Variants in CACNA1S observed in about 807,000 individuals in gnomAD.
CACNA1S encodes the protein voltage-dependent L-type calcium channel subunit alpha-1S.
A neutral mutation model predicts 207.4 loss-of-function variants in CACNA1S; 126 were observed. The ratio of observed to expected loss-of-function variants is 0.61; its 90% CI spans 0.53 to 0.70. CACNA1S has a LOEUF of 0.70. Ranked by LOEUF, CACNA1S falls within the 30% of genes least tolerant of loss-of-function variation. The pLI, the probability that CACNA1S is intolerant of heterozygous loss-of-function variation, is 0.00. For missense variants in CACNA1S, 2,349 were observed against 2,422.8 expected (o/e 0.97, Z 0.64); for synonymous variants, 960 against 932.7 (o/e 1.03, Z -0.53).
In CACNA1S at chr1:201,053,326, C is replaced by T. The variant is rs1660724003; in HGVS notation, c.3796-52G>A. 1 of 1,611,350 alleles carries T rather than the reference C, an allele frequency of 6.2e-7. No homozygotes were observed. Among genetic ancestry groups the T allele is most frequent in the South Asian group, 1.1e-5 (1 of 91,010 alleles). On this transcript the variant is annotated intron_variant, in intron 30 of 43. Transcript: ENST00000362061. The surrounding 1 kb of genome is among the most constrained non-coding windows in gnomAD (Gnocchi z 5.1). The stretch of plus-strand genomic sequence containing the variant: ...AGTGTCTTAGGGCTCCACTGTGTGT[C>T]TGCAGCCCTGCCCTCTGTTAGCTCC...
intron 1 of CACNA1S, among the ~76,000 whole-genome samples, chr1:201,110,884 C>T (rs1171474073): frequency 6.6e-6 from 1 of 152,202 alleles, no homozygotes; most frequent in Non-Finnish European, 1.5e-5. Context: ...ATGGCTTTCT[C>T]GACTTTCTGG....
Position 201,074,486 on chromosome 1 carries a change from C to T in CACNA1S, c.2063+20G>A. On this transcript the variant is annotated intron_variant, in intron 14 of 43. Coordinates refer to ENST00000362061, the MANE Select transcript of CACNA1S (RefSeq NM_000069.3). ...CACGACTGAGCACTCCAGGTCCCTT[C>T]CTGCTAAGGAAGCACTCACTTGGAC... The T allele has an allele frequency of 6.6e-7, 1 of 1,516,116 alleles. No individual in the cohort carries two copies. Among genetic ancestry groups the T allele is most frequent in the Non-Finnish European group, 9.2e-7 (1 of 1,092,188 alleles). The allele number at this position is 1,516,116 out of a possible 1,614,324, so 93.9% of individuals were successfully genotyped here.
intron 2 of CACNA1S, among the ~76,000 whole-genome samples, chr1:201,106,439 C>A (rs1439506559): frequency 2.0e-5 from 3 of 152,096 alleles, no homozygotes; most frequent in Admixed American, 2.0e-4. Context: ...GCTTCCTCTG[C>A]CCAGAATCCC....
chr1:201,091,885 G>T, intron 4 of CACNA1S, 87 bp downstream of exon 4: 2 of 1,602,262 alleles, frequency 1.2e-6, no homozygotes, highest in Non-Finnish European at 1.7e-6. Context: ...CCCCTGAGAT[G>T]TCAAGGTAGG....
intron 38 of CACNA1S, 136 bp from the exon 39 acceptor site, chr1:201,044,592 C>G: frequency 2.1e-6 from 2 of 969,816 alleles, no homozygotes; most frequent in Non-Finnish European, 1.5e-6. Flanking sequence ...CTCACTGTAA[C>G]CTCTGCTTCC....
rs377020349 is a variant in CACNA1S, at chr1:201,112,241, G to T, written c.99C>A (p.Cys33Ter). 2 of 1,613,844 alleles carry T rather than the reference G, an allele frequency of 1.2e-6. No individual in the cohort carries two copies. Among genetic ancestry groups the T allele is most frequent in the Non-Finnish European group, 1.7e-6 (2 of 1,179,996 alleles). Residue 33 changes from cysteine (C) to a stop codon, truncating the protein, a stop_gained, in exon 1 of 44, where the codon TGC becomes TGA. Coordinates refer to ENST00000362061, the MANE Select transcript of CACNA1S (RefSeq NM_000069.3). LOFTEE classifies it high-confidence loss of function. ...ILPRPPRALF[C>*]LTLENPLRKA... Reference sequence around the variant, plus strand: ...TCCTCAGGGGGTTCTCCAGGGTCAGGCAGAACAAGGCCCGGGGTGGCCTTG... The same window carrying T: ...TCCTCAGGGGGTTCTCCAGGGTCAGTCAGAACAAGGCCCGGGGTGGCCTTG...
At chr1:201,075,687 C>G in intron 12 of CACNA1S, 72 bp from the exon 13 acceptor site, 2 of 1,516,290 alleles carry the variant, frequency 1.3e-6, no homozygotes, top group Non-Finnish European at 1.8e-6. Flanking sequence ...ACCGCATTGA[C>G]CGAAGTTCTC....
At position 201,039,636 on chromosome 1, in the gene CACNA1S, G is replaced by T; in HGVS notation, c.*195C>A. On this transcript the variant is annotated 3_prime_UTR_variant, in exon 44 of 44. Coordinates refer to ENST00000362061, the MANE Select transcript of CACNA1S (RefSeq NM_000069.3). Reference sequence around the variant, plus strand: ...CTCCATCCAATCATGCCTCTTGCTGGTGAGGGGCAGGGCCTGTCCAGCTAC... The same window carrying T: ...CTCCATCCAATCATGCCTCTTGCTGTTGAGGGGCAGGGCCTGTCCAGCTAC... 2 of 656,460 alleles carry T rather than the reference G, an allele frequency of 3.0e-6. No homozygotes were observed. Among genetic ancestry groups the T allele is most frequent in the Non-Finnish European group, 5.3e-6 (2 of 380,572 alleles). The allele number at this position is 656,460 out of a possible 1,614,324, so 40.7% of individuals were successfully genotyped here.
rs3767511 is a variant in CACNA1S at position 201,083,071 on chromosome 1, T to C, written c.1393+91A>G. 299,761 of 1,381,452 alleles carry C rather than the reference T, an allele frequency of 0.22. 34,058 individuals are homozygous for C. The highest frequency in any genetic ancestry group is 0.26 in the African/African-American group (18,423 of 70,898). 85.6% of individuals were successfully genotyped at this position (1,381,452 alleles called of 1,614,324 possible). On this transcript the variant is annotated intron_variant, in intron 10 of 43. Coordinates refer to ENST00000362061, the MANE Select transcript of CACNA1S (RefSeq NM_000069.3). ...ATGATGTCAATATCTAATTGACCTC[T>C]TCTGCACAACCTGTGGTGCCATTGG... is the stretch of plus-strand genomic sequence containing the variant.
chr1:201,094,060 C>A (rs1208516385), intron 2 of CACNA1S, 39 bp from the exon 3 acceptor site: 3 of 1,613,598 alleles, frequency 1.9e-6, no homozygotes, highest in Middle Eastern at 3.3e-4. Context: ...CCTCTGTGCT[C>A]TCTGAGTGCA....
chr1:201,075,445 C>G, intron 13 of CACNA1S, 50 bp downstream of exon 13: 1 of 1,593,854 alleles, frequency 6.3e-7, no homozygotes, highest in Non-Finnish European at 8.6e-7. Context: ...AAGCCCTTTC[C>G]CCCACCCCCT....
intron 34 of CACNA1S, among the ~76,000 whole-genome samples, chr1:201,049,975 A>G (rs1044090607): frequency 6.6e-6 from 1 of 152,198 alleles, no homozygotes; most frequent in Non-Finnish European, 1.5e-5. Flanking sequence ...CTTTAAATGC[A>G]TACGAATGTC....
rs1662236781 is a variant in CACNA1S at position 201,091,652 on chromosome 1, A to T, written c.682T>A (p.Phe228Ile). 1 of 1,614,080 alleles carries T rather than the reference A, an allele frequency of 6.2e-7. No homozygotes were observed. Among genetic ancestry groups the T allele is most frequent in the African/African-American group, 1.3e-5 (1 of 74,928 alleles). Reference sequence around the variant, plus strand: ...CCTGGGAGCTCACCTGTACCAATGAAGTAGCAGGTCTTGTGCATCTTGCCC... The same window carrying T: ...CCTGGGAGCTCACCTGTACCAATGATGTAGCAGGTCTTGTGCATCTTGCCC... ...FKGKMHKTCY[F>I]IGTDIVATVE... The change falls in exon 5 of 44, where the codon TTC (phenylalanine) becomes ATC (isoleucine). Residue 228 changes from phenylalanine (F) to isoleucine (I), a missense_variant. By Grantham distance (21) the Phe-to-Ile change is conservative. Transcript: ENST00000362061.
chr1:201,092,868 G>A (rs569815192), intron 3 of CACNA1S, among the ~76,000 whole-genome samples: 1 of 152,320 alleles, frequency 6.6e-6, no homozygotes, highest in African/African-American at 2.4e-5. Flanking sequence ...GGAACTGAAG[G>A]ACAGCATACT....
At chr1:201,061,852 A>G (rs941544927) in intron 24 of CACNA1S, 92 bp downstream of exon 24, 9 of 1,399,106 alleles carry the variant, frequency 6.4e-6, no homozygotes, top group Non-Finnish European at 9.1e-6. Context: ...CACAGGTAGC[A>G]GTAGCACCGT....
chr1:201,072,958 T>C (rs1572045312), intron 15 of CACNA1S, 134 bp from the exon 16 acceptor site: 1 of 786,576 alleles, frequency 1.3e-6, no homozygotes, highest in South Asian at 1.4e-5. Flanking sequence ...GGGAATATTA[T>C]GATCATCCCC....
intron 9 of CACNA1S, among the ~76,000 whole-genome samples, chr1:201,084,658 G>A (rs1325559400): frequency 6.6e-6 from 1 of 152,272 alleles, no homozygotes; most frequent in African/African-American, 2.4e-5. Context: ...GCCCTGATCA[G>A]GGTGAAGTAG....
rs779761865 is a variant in CACNA1S at position 201,048,661 on chromosome 1, G to C, written c.4362C>G (p.Pro1454=). The C allele has an allele frequency of 3.7e-6, 6 of 1,613,354 alleles. No homozygotes were observed. Among genetic ancestry groups the C allele is most frequent in the Non-Finnish European group, 8.5e-7 (1 of 1,179,992 alleles). The change falls in exon 36 of 44, where the codon CCC becomes CCG. Residue 1454 remains proline, a synonymous_variant. Transcript: ENST00000362061. Reference sequence around the variant, plus strand: ...AGGTGACTGTGCCGTCGCTGTTCAGGGGCATGTTCATGCCCACCAGCCGCT... The same window carrying C: ...AGGTGACTGTGCCGTCGCTGTTCAGCGGCATGTTCATGCCCACCAGCCGCT... The part of the protein sequence containing the change: ...ACKRLVGMNM[P]LNSDGTVTFN...
rs751153430 is a variant in CACNA1S, at chr1:201,072,771, G to C, written c.2211C>G (p.Pro737=). The C allele has an allele frequency of 6.2e-7, 1 of 1,613,832 alleles. No individual in the cohort carries two copies. The highest frequency in any genetic ancestry group is 1.1e-5 in the South Asian group (1 of 91,060). ...SNVNEVKDPY[P]SADFPGDDEE... is the part of the protein sequence containing the mutation. Reference sequence around the variant, plus strand: ...CATCCTCACCTGGGAAGTCGGCTGAGGGGTAGGGATCCTTCACCTCATTGA... The same window carrying C: ...CATCCTCACCTGGGAAGTCGGCTGACGGGTAGGGATCCTTCACCTCATTGA... The change falls in exon 16 of 44, where the codon CCC becomes CCG. Residue 737 remains proline (P), a synonymous_variant. Transcript: ENST00000362061.
Sources: allele counts gnomAD v4.1 joint callset (sites outside exome capture counted in the v4.1 genomes callset), GRCh38; gene constraint gnomAD v4.1.1; non-coding constraint Gnocchi (gnomAD v3.1); transcripts MANE v1.5; gene names NCBI Gene and HGNC (gene_info 2026-07-23, HGNC 2026-07-21).